ANKFN1: variants seen among roughly 807,000 people sequenced by gnomAD.
ANKFN1 encodes ankyrin repeat and fibronectin type III domain containing 1.
A neutral mutation model predicts 108.7 loss-of-function variants in ANKFN1; 74 were observed. The ratio of observed to expected loss-of-function variants is 0.68; its 90% CI spans 0.56 to 0.83. ANKFN1 has a LOEUF of 0.83. Among genes scored for constraint, ANKFN1 ranks in the 40% least tolerant of loss-of-function variants. ANKFN1 has a pLI of 0.00. For missense variants in ANKFN1, 1,505 were observed against 1,382.3 expected (o/e 1.09, Z -1.41); for synonymous variants, 547 against 516.2 (o/e 1.06, Z -0.81).
At chr17:56,433,752 A>C in intron 8 of ANKFN1, among the ~76,000 whole-genome samples, 1 of 152,094 alleles carries the variant, frequency 6.6e-6, no homozygotes, top group Non-Finnish European at 1.5e-5. Flanking sequence ...TGATGGGTGC[A>C]CCAAAATCTC....
upstream of ANKFN1, among the ~76,000 whole-genome samples, chr17:56,148,711 C>A (rs531771839): frequency 6.6e-6 from 1 of 152,152 alleles, no homozygotes; most frequent in South Asian, 2.1e-4. Context: ...TAAAAGTTTT[C>A]TTTTGCCCAA....
At chr17:56,227,828 A>C (rs1297045326) in intron 2 of ANKFN1, 89 bp from the exon 3 acceptor site, 1 of 1,001,422 alleles carries the variant, frequency 1.0e-6, no homozygotes, top group East Asian at 2.6e-5. Flanking sequence ...TTTTTTTTTC[A>C]ATCAGTGGCT....
intron 4 of ANKFN1, among the ~76,000 whole-genome samples, chr17:56,063,751 A>G (rs1045334720): frequency 2.0e-5 from 3 of 151,940 alleles, no homozygotes; most frequent in African/African-American, 4.8e-5. Context: ...TACTTCTGTC[A>G]ATTCATCCAT....
intron 3 of ANKFN1, chr17:56,254,248 G>A (rs2043304502): frequency 1.3e-5 from 2 of 152,192 alleles, no homozygotes; most frequent in South Asian, 4.1e-4. Context: ...CTATTCTGGA[G>A]CACTGCAATG....
chr17:56,134,605 T>C (rs1000217134), intron 4 of ANKFN1, among the ~76,000 whole-genome samples: 1 of 152,178 alleles, frequency 6.6e-6, no homozygotes, highest in Non-Finnish European at 1.5e-5. Context: ...AGCATCCCTA[T>C]TGTTCAGGAA....
intron 2 of ANKFN1, among the ~76,000 whole-genome samples, chr17:56,222,892 A>G (rs890517066): frequency 6.6e-6 from 1 of 152,212 alleles, no homozygotes; most frequent in Non-Finnish European, 1.5e-5. Context: ...CCACACGTCT[A>G]AAAGTAAATG....
intron 3 of ANKFN1, among the ~76,000 whole-genome samples, chr17:56,290,427 G>A (rs990418416): frequency 6.6e-6 from 1 of 152,182 alleles, no homozygotes; most frequent in African/African-American, 2.4e-5. Context: ...TAAGCCAGAA[G>A]AGCCCAAGGA....
intron 8 of ANKFN1, among the ~76,000 whole-genome samples, chr17:56,415,007 G>A (rs1394618713): frequency 6.6e-6 from 1 of 151,804 alleles, no homozygotes; most frequent in Non-Finnish European, 1.5e-5. Context: ...GTGACAGAGT[G>A]AGACTCTGTC....
chr17:56,440,763 T>C (rs2049076455), intron 9 of ANKFN1, among the ~76,000 whole-genome samples: 1 of 152,168 alleles, frequency 6.6e-6, no homozygotes, highest in Non-Finnish European at 1.5e-5. Context: ...TTTGACTCCC[T>C]GTCTGATGGT....
At chr17:56,371,670 A>T (rs1207794557) in intron 6 of ANKFN1, among the ~76,000 whole-genome samples, 1 of 152,028 alleles carries the variant, frequency 6.6e-6, no homozygotes, top group African/African-American at 2.4e-5. Context: ...CTCTTTTATC[A>T]CTTAACCAGG....
chr17:56,414,292 A>T (rs1389813657), intron 8 of ANKFN1, among the ~76,000 whole-genome samples: 1 of 152,174 alleles, frequency 6.6e-6, no homozygotes, highest in African/African-American at 2.4e-5. Context: ...ACATCTGGTG[A>T]ATTCTACCAA....
At chr17:56,341,309 C>A (rs2045952195) in intron 4 of ANKFN1, among the ~76,000 whole-genome samples, 1 of 151,992 alleles carries the variant, frequency 6.6e-6, no homozygotes, top group Non-Finnish European at 1.5e-5. Flanking sequence ...TTTCTGTTGC[C>A]TGATTGCCTT....
At chr17:56,128,112 C>T (rs1439830631) in intron 4 of ANKFN1, among the ~76,000 whole-genome samples, 1 of 152,126 alleles carries the variant, frequency 6.6e-6, no homozygotes, top group Non-Finnish European at 1.5e-5. Context: ...AGTTTGTAGT[C>T]TGCACTGTAA....
chr17:56,094,373 T>C (rs371475156), intron 4 of ANKFN1, among the ~76,000 whole-genome samples: 2 of 151,040 alleles, frequency 1.3e-5, no homozygotes, highest in East Asian at 3.9e-4. Flanking sequence ...ATTTTCAACA[T>C]AATTTTAGCA....
rs1239974196 is a variant in ANKFN1 at position 56,372,725 on chromosome 17, C to A, written c.681C>A (p.Ala227=). 1.2e-6 allele frequency: 2 copies of A among 1,613,690 alleles called. No homozygotes were observed. Among genetic ancestry groups the A allele is most frequent in the Non-Finnish European group, 1.7e-6 (2 of 1,179,928 alleles). ...EAQERVSELS[A]QVENEGFTLD... Reference sequence around the variant, plus strand: ...AGGAGAGGGTGAGTGAACTGTCTGCCCAGGTGGAGAATGAAGGATTCACTC... The same window carrying A: ...AGGAGAGGGTGAGTGAACTGTCTGCACAGGTGGAGAATGAAGGATTCACTC... The change falls in exon 7 of 21, where the codon GCC becomes GCA. Residue 227 remains alanine, a synonymous_variant. Transcript: ENST00000682825.
intron 1 of ANKFN1, among the ~76,000 whole-genome samples, chr17:56,194,406 G>C (rs899558885): frequency 6.6e-6 from 1 of 152,124 alleles, no homozygotes; most frequent in Non-Finnish European, 1.5e-5. Flanking sequence ...GGTACATCAG[G>C]CAATGGGGTA....
chr17:56,065,436 C>A (rs1323995080), intron 4 of ANKFN1, among the ~76,000 whole-genome samples: 2 of 152,160 alleles, frequency 1.3e-5, no homozygotes, highest in African/African-American at 4.8e-5. Context: ...CTTTTACATT[C>A]ACAACTTGTC....
At position 56,055,579 on chromosome 17, in the gene ANKFN1, ATATATATATG is replaced by A. The variant is rs1239438464; in HGVS notation, c.288+9263_288+9272del. Among the ~76,000 whole-genome samples, 192 of 109,620 alleles carry A rather than the reference ATATATATATG, an allele frequency of 1.8e-3. 21 individuals are homozygous for A. Among genetic ancestry groups the A allele is most frequent in the Non-Finnish European group, 2.4e-3 (137 of 57,180 alleles). 71.9% of individuals were successfully genotyped at this position (109,620 alleles called of 152,430 possible). On this transcript the variant is annotated intron_variant, in intron 4 of 12. Coordinates refer to the ANKFN1 transcript ENST00000635860. The stretch of plus-strand genomic sequence containing the variant: ...GTGGTATATATACATATATATATAT[ATATATATATG>A]TATATATACACATTTTTTTATCCAG...
chr17:56,280,312 C>A (rs947413570), intron 3 of ANKFN1, among the ~76,000 whole-genome samples: 2 of 152,140 alleles, frequency 1.3e-5, no homozygotes, highest in Admixed American at 6.5e-5. Flanking sequence ...AGGGCAGCAT[C>A]CAATCCACTG....
Sources: gnomAD v4.1 joint callset for allele counts (sites outside exome capture counted in the v4.1 genomes callset) on GRCh38, gnomAD v4.1.1 for gene constraint, MANE v1.5 for transcripts, NCBI Gene and HGNC (gene_info 2026-07-23, HGNC 2026-07-21) for gene names.